GALNT13: variants seen among roughly 807,000 people sequenced by gnomAD.
The protein encoded by GALNT13 is polypeptide N-acetylgalactosaminyltransferase 13, also known as UDP-GalNAc:polypeptide N-acetylgalactosaminyltransferase 13.
In GALNT13, 28 loss-of-function variants were observed where a neutral mutation model predicts 64.2. That is an observed-to-expected ratio of 0.44 (90% confidence interval 0.32 to 0.60). The LOEUF (loss-of-function observed/expected upper bound fraction) is 0.60, where lower values mean the gene tolerates loss of function less well. Ranked by LOEUF, GALNT13 falls within the 20% of genes least tolerant of loss-of-function variation. The pLI, the probability that GALNT13 is intolerant of heterozygous loss-of-function variation, is 0.05. For missense variants in GALNT13, 577 were observed against 669.8 expected, an observed-to-expected ratio of 0.86 and a Z score of 1.53; for synonymous variants, 214 against 224.6, an observed-to-expected ratio of 0.95 and a Z score of 0.42.
chr2:153,613,746 T>G, the GALNT13 span, among the ~76,000 whole-genome samples: 21 of 152,268 alleles, frequency 1.4e-4, no homozygotes, highest in East Asian at 3.5e-3. Context: ...GTCCTTGTGA[T>G]AGTTTGCTGA....
the GALNT13 span, among the ~76,000 whole-genome samples, chr2:153,215,391 G>A: frequency 2.0e-5 from 3 of 152,026 alleles, no homozygotes; most frequent in Non-Finnish European, 4.4e-5. Flanking sequence ...CATTTTTATT[G>A]CCATTTTATA....
At chr2:153,221,501 G>T in the GALNT13 span, among the ~76,000 whole-genome samples, 2 of 152,154 alleles carry the variant, frequency 1.3e-5, no homozygotes, top group Non-Finnish European at 2.9e-5. Context: ...GATACAGAGG[G>T]TGATTATGTC....
chr2:153,745,893 C>A, the GALNT13 span, among the ~76,000 whole-genome samples: 1 of 152,110 alleles, frequency 6.6e-6, no homozygotes, highest in Non-Finnish European at 1.5e-5. Flanking sequence ...TTGCCTGAAG[C>A]TGCTGTTCTG....
At chr2:153,734,185 T>A in the GALNT13 span, among the ~76,000 whole-genome samples, 4 of 152,152 alleles carry the variant, frequency 2.6e-5, no homozygotes, top group African/African-American at 9.7e-5. Context: ...ATGTTGCACT[T>A]TGAGGTCCTC....
At chr2:154,354,935 A>ACACT (rs10641015) in intron 9 of GALNT13, among the ~76,000 whole-genome samples, 49,747 of 151,692 alleles carry the variant, frequency 0.33, 11,116 homozygotes, top group East Asian at 0.68. Context: ...GTTTTCTCTG[A>ACACT]CACTAACTTT....
chr2:154,179,696 G>A (rs1268804929), intron 4 of GALNT13, among the ~76,000 whole-genome samples: 69 of 151,796 alleles, frequency 4.5e-4, no homozygotes, highest in Admixed American at 4.5e-3. Flanking sequence ...TCATCTTTAA[G>A]GGCTTTCTTT....
the GALNT13 span, among the ~76,000 whole-genome samples, chr2:153,542,005 A>G: frequency 6.6e-6 from 1 of 152,262 alleles, no homozygotes; most frequent in African/African-American, 2.4e-5. Flanking sequence ...GACAAGTTGC[A>G]AACGAATACT....
the GALNT13 span, among the ~76,000 whole-genome samples, chr2:153,537,799 T>C: frequency 1.3e-5 from 2 of 152,142 alleles, no homozygotes; most frequent in African/African-American, 4.8e-5. Flanking sequence ...GAAGAAGACA[T>C]GTTTGCTTAC....
chr2:153,364,623 C>T, the GALNT13 span, among the ~76,000 whole-genome samples: 1 of 152,088 alleles, frequency 6.6e-6, no homozygotes, highest in African/African-American at 2.4e-5. Flanking sequence ...CATGAATGGA[C>T]TCTCATTCAC....
At chr2:153,775,905 A>T in the GALNT13 span, among the ~76,000 whole-genome samples, 1 of 152,070 alleles carries the variant, frequency 6.6e-6, no homozygotes, top group Non-Finnish European at 1.5e-5. Flanking sequence ...TTCTTTTTTT[A>T]ATCTGCTTTC....
At chr2:153,426,028 T>C in the GALNT13 span, among the ~76,000 whole-genome samples, 1 of 151,924 alleles carries the variant, frequency 6.6e-6, no homozygotes, top group African/African-American at 2.4e-5. Context: ...ATTTTGTTTA[T>C]TAGGTCATAC....
In GALNT13 at chr2:154,149,891, C is replaced by T. The variant is rs191100081; in HGVS notation, c.311+9386C>T. On this transcript the variant is annotated intron_variant, in intron 4 of 12. Coordinates refer to ENST00000392825, the MANE Select transcript of GALNT13 (RefSeq NM_052917.4). ...TCTGCAAACAGGGACAATTTGACTT[C>T]CTCTTTTCCTAATTGAATACCCTTT... Among the ~76,000 whole-genome samples, 745 of 152,248 alleles carry T rather than the reference C, an allele frequency of 4.9e-3. 4 individuals carry two copies. The highest frequency in any genetic ancestry group is 0.017 in the African/African-American group (710 of 41,538).
the GALNT13 span, among the ~76,000 whole-genome samples, chr2:153,673,708 G>A: frequency 6.6e-6 from 1 of 152,142 alleles, no homozygotes; most frequent in Non-Finnish European, 1.5e-5. Flanking sequence ...TCTGGCCAGG[G>A]CAATCAGACA....
At chr2:153,735,262 A>C in the GALNT13 span, among the ~76,000 whole-genome samples, 1 of 151,774 alleles carries the variant, frequency 6.6e-6, no homozygotes, top group East Asian at 1.9e-4. Flanking sequence ...AGGGCTTACT[A>C]TTTTGTTTTT....
chr2:153,168,098 C>T, the GALNT13 span, among the ~76,000 whole-genome samples: 1 of 152,176 alleles, frequency 6.6e-6, no homozygotes, highest in Non-Finnish European at 1.5e-5. Flanking sequence ...CCAATGAGCA[C>T]TGCTGATGGT....
chr2:153,186,472 A>G, the GALNT13 span, among the ~76,000 whole-genome samples: 8 of 151,878 alleles, frequency 5.3e-5, no homozygotes, highest in Non-Finnish European at 1.2e-4. Context: ...TAGTATGGTT[A>G]TGTGTGAATT....
the GALNT13 span, among the ~76,000 whole-genome samples, chr2:153,571,556 C>G: frequency 6.6e-6 from 1 of 151,902 alleles, no homozygotes; most frequent in African/African-American, 2.4e-5. Context: ...TCAGGTTTTC[C>G]CCATTCAGTA....
chr2:153,332,193 T>C, the GALNT13 span, among the ~76,000 whole-genome samples: 15 of 152,206 alleles, frequency 9.9e-5, no homozygotes, highest in Non-Finnish European at 1.9e-4. Flanking sequence ...TGCTCTGATT[T>C]TAGTTATTTC....
the GALNT13 span, among the ~76,000 whole-genome samples, chr2:153,812,513 T>C: frequency 2.0e-5 from 3 of 152,330 alleles, no homozygotes; most frequent in South Asian, 4.1e-4. Flanking sequence ...AAAATATTTC[T>C]GTACACATTT....
Sources: gnomAD v4.1 joint callset for allele counts (sites outside exome capture counted in the v4.1 genomes callset) on GRCh38, gnomAD v4.1.1 for gene constraint, MANE v1.5 for transcripts, NCBI Gene and HGNC (gene_info 2026-07-23, HGNC 2026-07-21) for gene names.